The following SIAH3 variants were observed in gnomAD, a reference collection of about 807,000 sequenced individuals.
SIAH3 encodes the protein seven in absentia homolog 3.
A neutral mutation model predicts 12.6 loss-of-function variants in SIAH3; 9 were observed. That is an observed-to-expected ratio of 0.72 (90% CI 0.43 to 1.25). The LOEUF (loss-of-function observed/expected upper bound fraction) is 1.25. SIAH3 is among the 50% of genes most tolerant of loss of function. SIAH3 has a pLI of 0.00. For synonymous variants in SIAH3, 154 were observed against 151.1 expected (o/e 1.02, Z -0.14); for missense variants, 390 against 365.4 (o/e 1.07, Z -0.55).
intron 1 of SIAH3, among the ~76,000 whole-genome samples, chr13:45,796,988 G>A (rs1189340940): frequency 6.6e-6 from 1 of 152,192 alleles, no homozygotes; most frequent in Non-Finnish European, 1.5e-5. Context: ...CAGGGCTTGG[G>A]AGGCTGGCAG....
At chr13:45,841,822 C>T (rs1194020015) in intron 1 of SIAH3, among the ~76,000 whole-genome samples, 1 of 152,158 alleles carries the variant, frequency 6.6e-6, no homozygotes, top group African/African-American at 2.4e-5. Context: ...TATATTTGTG[C>T]CAGCGCTAGA....
rs551985381 is a variant in SIAH3, at chr13:45,784,983, T to C, written c.136-926A>G. 4.6e-5 allele frequency among the ~76,000 whole-genome samples: 7 copies of C among 152,306 alleles called. No individual in the cohort carries two copies. In the South Asian group the frequency reaches 1.5e-3, roughly 32 times the overall value. On this transcript the variant is annotated intron_variant, in intron 1 of 1. Transcript: ENST00000400405. ...TTACTACACTTATAATTAATTACAG[T>C]TTTGACAAAGGTCCTCCATGTGTCA...
intron 1 of SIAH3, among the ~76,000 whole-genome samples, chr13:45,820,279 C>T (rs895813708): frequency 2.0e-5 from 3 of 152,094 alleles, no homozygotes; most frequent in African/African-American, 4.8e-5. Context: ...CTCCGTTGGC[C>T]GGGAGATAAA....
In SIAH3 at chr13:45,798,248, T is replaced by C. The variant is rs188487541; in HGVS notation, c.136-14191A>G. Among the ~76,000 whole-genome samples, 17 of 152,352 alleles carry C rather than the reference T, an allele frequency of 1.1e-4. No homozygotes were observed. In the East Asian group the frequency reaches 3.1e-3, roughly 28 times the overall value. The stretch of plus-strand genomic sequence containing the variant: ...TCCTCTTTTTAGTTTTAAATAGTAA[T>C]ACATAAACCAATAAATATCATGCTT... On this transcript the variant is annotated intron_variant, in intron 1 of 1. Coordinates refer to ENST00000400405, the MANE Select transcript of SIAH3 (RefSeq NM_198849.3).
At chr13:45,821,772 G>A (rs1393823156) in intron 1 of SIAH3, among the ~76,000 whole-genome samples, 2 of 152,186 alleles carry the variant, frequency 1.3e-5, no homozygotes, top group East Asian at 1.9e-4. Flanking sequence ...CAATGAGAGT[G>A]GGGCCAAAAG....
At chr13:45,797,902 G>A (rs1226981858) in intron 1 of SIAH3, among the ~76,000 whole-genome samples, 3 of 152,110 alleles carry the variant, frequency 2.0e-5, no homozygotes, top group Admixed American at 6.5e-5. Context: ...GTCCCTGCAG[G>A]GTCCATGGTT....
rs386379026 is a variant in SIAH3, at chr13:45,846,084, C to CTTTTTTTTT, written c.135+5402_135+5410dup. Among the ~76,000 whole-genome samples the CTTTTTTTTT allele has an allele frequency of 1.5e-3, 128 of 85,686 alleles. 10 individuals are homozygous for CTTTTTTTTT. Among genetic ancestry groups the CTTTTTTTTT allele is most frequent in the South Asian group, 2.5e-3 (5 of 2,004 alleles). 56.2% of individuals were successfully genotyped at this position (85,686 alleles called of 152,430 possible). A position where few individuals can be genotyped will look rare whatever the true frequency, so the allele number is the denominator to read the frequency against. ...GATCTGATGTTAGAAGACCTAACTT[C>CTTTTTTTTT]TTTTTTTTTTTTTTTTTTTTTTGAG... On this transcript the variant is annotated intron_variant, in intron 1 of 1. Coordinates refer to ENST00000400405, the MANE Select transcript of SIAH3 (RefSeq NM_198849.3).
intron 1 of SIAH3, among the ~76,000 whole-genome samples, chr13:45,797,080 T>G (rs1179592244): frequency 6.6e-6 from 1 of 152,168 alleles, no homozygotes; most frequent in East Asian, 1.9e-4. Context: ...AGGAACAAGT[T>G]TATTAGTGTC....
In SIAH3 at chr13:45,778,023, T is replaced by C. The variant is rs1950490391; in HGVS notation, c.*5360A>G. ...AGGCTATGGATTGTGAACAGGGTCCTTACTGGGTTGCAAAAAAGTGAGGTA... is the reference window on the plus strand; with the variant it reads ...AGGCTATGGATTGTGAACAGGGTCCCTACTGGGTTGCAAAAAAGTGAGGTA... On this transcript the variant is annotated 3_prime_UTR_variant, in exon 2 of 2. Coordinates refer to ENST00000400405, the MANE Select transcript of SIAH3 (RefSeq NM_198849.3). The C allele has an allele frequency of 6.6e-6, 1 of 152,194 alleles. No individual in the cohort carries two copies. The highest frequency in any genetic ancestry group is 6.5e-5 in the Admixed American group (1 of 15,278). The allele number at this position is 152,194 out of a possible 1,614,324, so 9.4% of individuals were successfully genotyped here.
chr13:45,835,560 T>C (rs1263231718), intron 1 of SIAH3, among the ~76,000 whole-genome samples: 1 of 152,228 alleles, frequency 6.6e-6, no homozygotes, highest in African/African-American at 2.4e-5. Flanking sequence ...TATTACCCCA[T>C]TTTACAGATG....
At chr13:45,805,984 T>G (rs1352618556) in intron 1 of SIAH3, among the ~76,000 whole-genome samples, 1 of 152,164 alleles carries the variant, frequency 6.6e-6, no homozygotes, top group African/African-American at 2.4e-5. Context: ...TCAACATCAT[T>G]AATCATCAGA....
At position 45,826,763 on chromosome 13, in the gene SIAH3, C is replaced by A. The variant is rs570541633; in HGVS notation, c.135+24732G>T. On this transcript the variant is annotated intron_variant, in intron 1 of 1. Coordinates refer to ENST00000400405, the MANE Select transcript of SIAH3 (RefSeq NM_198849.3). ...CAGGTTCAGAAAGACCTAAACTCTA[C>A]GTGTGAGTTGTGGGTTCCCTAAAAT... 3.9e-5 allele frequency among the ~76,000 whole-genome samples: 6 copies of A among 152,176 alleles called. No homozygotes were observed. The South Asian group carries it at 6.2e-4, about 16-fold the overall frequency.
intron 1 of SIAH3, among the ~76,000 whole-genome samples, chr13:45,851,087 C>T (rs768665706): frequency 4.7e-5 from 7 of 150,138 alleles, no homozygotes; most frequent in Middle Eastern, 3.5e-3. Flanking sequence ...TGTTTGACCA[C>T]CTCTCCCAAC....
At chr13:45,814,703 T>C (rs1950628041) in intron 1 of SIAH3, among the ~76,000 whole-genome samples, 1 of 148,710 alleles carries the variant, frequency 6.7e-6, no homozygotes, top group Non-Finnish European at 1.5e-5. Flanking sequence ...ATTAGGTTAG[T>C]GCAAAAGTAA....
chr13:45,827,503 T>C (rs1055409565), intron 1 of SIAH3, among the ~76,000 whole-genome samples: 2 of 152,210 alleles, frequency 1.3e-5, no homozygotes, highest in Admixed American at 6.5e-5. Context: ...TATGGAACTC[T>C]ACAGACATGT....
At position 45,820,173 on chromosome 13, in the gene SIAH3, C is replaced by G. The variant is rs144018420; in HGVS notation, c.135+31322G>C. 6.5e-3 allele frequency among the ~76,000 whole-genome samples: 986 copies of G among 152,302 alleles called. 14 individuals carry two copies. Among genetic ancestry groups the G allele is most frequent in the African/African-American group, 0.022 (934 of 41,560 alleles). On this transcript the variant is annotated intron_variant, in intron 1 of 1. Transcript: ENST00000400405. ...ATCACATTGGCCACTAAGTTTCAAC[C>G]CTGAATTTAGGAGGGGACACATTCA...
chr13:45,830,147 C>T (rs903745868), intron 1 of SIAH3, among the ~76,000 whole-genome samples: 4 of 152,192 alleles, frequency 2.6e-5, no homozygotes, highest in East Asian at 1.9e-4. Flanking sequence ...TTCTAGAATA[C>T]GTCCCTTGGA....
chr13:45,848,463 G>A (rs146713452), intron 1 of SIAH3, among the ~76,000 whole-genome samples: 79 of 152,334 alleles, frequency 5.2e-4, no homozygotes, highest in African/African-American at 1.9e-3. Flanking sequence ...TCCCCAGGAA[G>A]GCTCTGCCTT....
At chr13:45,849,620 C>A (rs893970744) in intron 1 of SIAH3, among the ~76,000 whole-genome samples, 5 of 152,132 alleles carry the variant, frequency 3.3e-5, no homozygotes, top group African/African-American at 9.7e-5. Flanking sequence ...CCAGAGATGA[C>A]TCAAGGCCTC....
Sources: gnomAD v4.1 joint callset for allele counts (sites outside exome capture counted in the v4.1 genomes callset) on GRCh38, gnomAD v4.1.1 for gene constraint, MANE v1.5 for transcripts, NCBI Gene and HGNC (gene_info 2026-07-23, HGNC 2026-07-21) for gene names.